PTPRD: variants seen among roughly 807,000 people sequenced by gnomAD.
PTPRD encodes the protein protein tyrosine phosphatase receptor type D, also known as receptor-type tyrosine-protein phosphatase delta.
PTPRD carries 34 observed loss-of-function variants against 214.5 expected under a neutral mutation model. The ratio of observed to expected loss-of-function variants is 0.16; its 90% CI spans 0.12 to 0.21. The LOEUF (loss-of-function observed/expected upper bound fraction) is 0.21, where lower values mean the gene tolerates loss of function less well. PTPRD is among the 10% of genes least tolerant of loss of function. PTPRD has a pLI of 1.00. For synonymous variants in PTPRD, 1,128 were observed against 845.7 expected, an observed-to-expected ratio of 1.33 and a Z score of -5.79; for missense variants, 2,545 against 2,398.7, an observed-to-expected ratio of 1.06 and a Z score of -1.27.
At chr9:9,020,923 G>C (rs1355706367) in intron 10 of PTPRD, among the ~76,000 whole-genome samples, 1 of 152,084 alleles carries the variant, frequency 6.6e-6, no homozygotes, top group Non-Finnish European at 1.5e-5. Context: ...GCGGTTCTAG[G>C]GGCCAGAAGC....
intron 2 of PTPRD, among the ~76,000 whole-genome samples, chr9:10,385,875 T>C (rs2097905200): frequency 6.6e-6 from 1 of 151,834 alleles, no homozygotes; most frequent in Admixed American, 6.6e-5. Context: ...AGAACAATAC[T>C]TTTTATGATT....
At chr9:8,714,696 T>C (rs779001672) in intron 12 of PTPRD, among the ~76,000 whole-genome samples, 1 of 152,018 alleles carries the variant, frequency 6.6e-6, no homozygotes, top group Admixed American at 6.6e-5. Context: ...CTCCTTCAAA[T>C]CTTTGCTTAA....
At position 10,276,693 on chromosome 9, in the gene PTPRD, A is replaced by G. The variant is rs143456857; in HGVS notation, c.-545+64270T>C. Among the ~76,000 whole-genome samples, 976 of 152,336 alleles carry G rather than the reference A, an allele frequency of 6.4e-3. 16 individuals carry two copies. Among genetic ancestry groups the G allele is most frequent in the African/African-American group, 0.022 (923 of 41,572 alleles). ...TATTGCACCTGGCATATGCCTAGAA[A>G]GTAAATTATTCTTATGGCTGGCAAT... On this transcript the variant is annotated intron_variant, in intron 3 of 45. Transcript: ENST00000381196.
At chr9:8,778,554 C>T (rs937720283) in intron 11 of PTPRD, among the ~76,000 whole-genome samples, 4 of 152,122 alleles carry the variant, frequency 2.6e-5, no homozygotes, top group Admixed American at 6.5e-5. Context: ...CTCATTCTTG[C>T]GCTGGGTCCT....
At chr9:9,177,341 T>C (rs1166483469) in intron 10 of PTPRD, among the ~76,000 whole-genome samples, 3 of 152,052 alleles carry the variant, frequency 2.0e-5, no homozygotes, top group Non-Finnish European at 2.9e-5. Flanking sequence ...ATGGGGATTA[T>C]GGGGATTGCA....
At chr9:9,247,348 C>T (rs1004063229) in intron 9 of PTPRD, among the ~76,000 whole-genome samples, 2 of 151,514 alleles carry the variant, frequency 1.3e-5, no homozygotes, top group Non-Finnish European at 2.9e-5. Flanking sequence ...GCTGTCCACT[C>T]TTCATGGAAT....
chr9:9,378,310 C>G (rs958370845), intron 9 of PTPRD, among the ~76,000 whole-genome samples: 1 of 151,996 alleles, frequency 6.6e-6, no homozygotes, highest in Non-Finnish European at 1.5e-5. Flanking sequence ...CTTTTTTTCA[C>G]TTACGAATAC....
At chr9:8,840,176 G>GTT (rs2097531239) in intron 11 of PTPRD, among the ~76,000 whole-genome samples, 2 of 152,104 alleles carry the variant, frequency 1.3e-5, no homozygotes, top group Non-Finnish European at 2.9e-5. Flanking sequence ...ACTACCTTTG[G>GTT]TTTAAATTTG....
intron 11 of PTPRD, among the ~76,000 whole-genome samples, chr9:8,785,520 C>T (rs547925960): frequency 7.2e-5 from 11 of 152,254 alleles, no homozygotes; most frequent in East Asian, 1.9e-4. Context: ...TAATGTGAAT[C>T]GCCTTACTAT....
At chr9:8,736,442 T>G (rs1306015806) in intron 11 of PTPRD, among the ~76,000 whole-genome samples, 3 of 152,146 alleles carry the variant, frequency 2.0e-5, no homozygotes, top group African/African-American at 7.2e-5. Context: ...AACTGAAATA[T>G]TTGAAACATA....
At chr9:9,046,859 T>C (rs67062777) in intron 10 of PTPRD, among the ~76,000 whole-genome samples, 49,100 of 151,958 alleles carry the variant, frequency 0.32, 9,249 homozygotes, top group South Asian at 0.42. Flanking sequence ...ATCTGTAACA[T>C]GACAAGGATG....
At chr9:9,214,149 C>G (rs1417435011) in intron 9 of PTPRD, among the ~76,000 whole-genome samples, 1 of 152,148 alleles carries the variant, frequency 6.6e-6, no homozygotes, top group African/African-American at 2.4e-5. Flanking sequence ...AGGAGAAGTG[C>G]AAAGTATCCG....
chr9:9,259,872 T>G (rs1260973315), intron 9 of PTPRD, among the ~76,000 whole-genome samples: 1 of 151,794 alleles, frequency 6.6e-6, no homozygotes, highest in Non-Finnish European at 1.5e-5. Flanking sequence ...CCTGAGCATC[T>G]AGGGAAGATG....
chr9:9,385,884 T>C (rs865844980), intron 9 of PTPRD, among the ~76,000 whole-genome samples: 5 of 152,186 alleles, frequency 3.3e-5, no homozygotes, highest in Middle Eastern at 3.2e-3. Context: ...AGCCTAACTA[T>C]GACTCCAGTC....
chr9:8,721,345 G>A (rs148094901), intron 12 of PTPRD, among the ~76,000 whole-genome samples: 1,762 of 150,012 alleles, frequency 0.012, 36 homozygotes, highest in African/African-American at 0.041. Context: ...CACAAGAATC[G>A]CTTGAACCTA....
chr9:9,957,935 A>G (rs527872226), intron 4 of PTPRD, among the ~76,000 whole-genome samples: 9 of 152,256 alleles, frequency 5.9e-5, no homozygotes, highest in African/African-American at 1.9e-4. Flanking sequence ...CAATACAGTC[A>G]ACTGATCTTT....
intron 9 of PTPRD, among the ~76,000 whole-genome samples, chr9:9,225,508 T>C (rs1178572718): frequency 6.6e-6 from 1 of 152,056 alleles, no homozygotes; most frequent in African/African-American, 2.4e-5. Context: ...AAATTCCTTG[T>C]GCTACAAATC....
At chr9:10,174,914 G>A (rs2099237474) in intron 3 of PTPRD, among the ~76,000 whole-genome samples, 1 of 151,972 alleles carries the variant, frequency 6.6e-6, no homozygotes, top group South Asian at 2.1e-4. Flanking sequence ...ATCCTTAATG[G>A]TAATCAGTAA....
chr9:9,025,758 A>C (rs1337793258), intron 10 of PTPRD, among the ~76,000 whole-genome samples: 2 of 152,026 alleles, frequency 1.3e-5, no homozygotes, highest in Non-Finnish European at 2.9e-5. Flanking sequence ...CTCTCAAAAA[A>C]GTCAGTCTCC....
Sources: gnomAD v4.1 joint callset for allele counts (sites outside exome capture counted in the v4.1 genomes callset) on GRCh38, gnomAD v4.1.1 for gene constraint, MANE v1.5 for transcripts, NCBI Gene and HGNC (gene_info 2026-07-23, HGNC 2026-07-21) for gene names.